Variants in GTF2H4 observed in about 807,000 individuals in gnomAD.
The protein encoded by GTF2H4 is general transcription factor IIH subunit 4, also known as BTF2 p52.
In GTF2H4, 49 loss-of-function variants were observed where a neutral mutation model predicts 62.2. That is an observed-to-expected ratio of 0.79 (90% confidence interval 0.63 to 1.00). The LOEUF (loss-of-function observed/expected upper bound fraction) is 1.00, where lower values mean the gene tolerates loss of function less well. Ranked by LOEUF, GTF2H4 falls within the 50% of genes least tolerant of loss-of-function variation. The probability of loss-of-function intolerance (pLI) is 0.00; values close to 1 mark genes in which losing one functional copy is unlikely to be tolerated. For synonymous variants in GTF2H4, 189 were observed against 233.8 expected (o/e 0.81, Z 1.75); for missense variants, 479 against 587.8 (o/e 0.81, Z 1.91).
chr6:30,909,329 TAAA>T lies in GTF2H4; in HGVS notation c.138-105_138-103del, dbSNP rs1407794730. 3 of 1,216,884 alleles carry T rather than the reference TAAA, an allele frequency of 2.5e-6. No individual in the cohort carries two copies. The highest frequency in any genetic ancestry group is 3.5e-6 in the Non-Finnish European group (3 of 853,296). 75.4% of individuals were successfully genotyped at this position (1,216,884 alleles called of 1,614,324 possible). Reference sequence around the variant, plus strand: ...GTGGAGGCCAAAACAGCAGGACTGGTAAAGTTGTGCTGGAGTGAGATGAGATGT... The same window carrying T: ...GTGGAGGCCAAAACAGCAGGACTGGTGTTGTGCTGGAGTGAGATGAGATGT... On this transcript the variant is annotated intron_variant, in intron 2 of 13. Coordinates refer to ENST00000259895, the MANE Select transcript of GTF2H4 (RefSeq NM_001517.5). The surrounding 1 kb of genome is among the most constrained non-coding windows in gnomAD (Gnocchi z 4.3).
At chr6:30,908,943 G>A in intron 1 of GTF2H4, 91 bp from the exon 2 acceptor site, 1 of 1,419,936 alleles carries the variant, frequency 7.0e-7, no homozygotes, top group South Asian at 1.2e-5. Context: ...GGGTTATTGT[G>A]GGGACTGATG....
rs930274551 is a variant in GTF2H4 at position 30,910,272 on chromosome 6, A to G, written c.374+209A>G. ...TCATGGCCCCTGAGGATAAGGGTGG[A>G]AAGATGGCAGAGGGCAGCAAGGAAC... On this transcript the variant is annotated intron_variant, in intron 4 of 13. Coordinates refer to ENST00000259895, the MANE Select transcript of GTF2H4 (RefSeq NM_001517.5). The surrounding 1 kb of genome is among the most constrained non-coding windows in gnomAD (Gnocchi z 4.7). Among the ~76,000 whole-genome samples, 7 of 152,092 alleles carry G rather than the reference A, an allele frequency of 4.6e-5. No individual in the cohort carries two copies. Among genetic ancestry groups the G allele is most frequent in the Non-Finnish European group, 1.0e-4 (7 of 68,018 alleles).
Position 30,914,103 on chromosome 6 carries a change from AG to A in GTF2H4, c.*121del, listed in dbSNP as rs3218828. The A allele has an allele frequency of 0.032, 33,509 of 1,044,370 alleles. 1,192 individuals carry two copies. The highest frequency in any genetic ancestry group is 0.13 in the African/African-American group (8,034 of 60,422). 64.7% of individuals were successfully genotyped at this position (1,044,370 alleles called of 1,614,324 possible). On this transcript the variant is annotated 3_prime_UTR_variant, in exon 14 of 14. Coordinates refer to ENST00000259895, the MANE Select transcript of GTF2H4 (RefSeq NM_001517.5). ...CTTGTTTAATAAAGTTATGATAGCT[AG>A]CAGTGCGGTCCCGGGCGCCTCCCCG...
Position 30,912,093 on chromosome 6 carries a change from A to C in GTF2H4, c.905A>C (p.His302Pro). The stretch of plus-strand genomic sequence containing the variant: ...GTCTCTGGAGCTGGGGGCACTGTGC[A>C]TCAGCCAGGTTTCATTGTCGTGGAA... ...SGVSGAGGTV[H>P]QPGFIVVETN... The change falls in exon 10 of 14, where the codon CAT becomes CCT. Residue 302 changes from histidine (H) to proline (P), a missense_variant. His to Pro is a moderately conservative substitution (Grantham distance 77). Transcript: ENST00000259895. This position sits in a 1 kb window ranked among gnomAD's most constrained non-coding sequence, Gnocchi z 4.8. 6.2e-7 allele frequency: 1 copy of C among 1,612,974 alleles called. No homozygotes were observed. Among genetic ancestry groups the C allele is most frequent in the Non-Finnish European group, 8.5e-7 (1 of 1,180,008 alleles).
rs1266122034 is a variant in GTF2H4 at position 30,913,209 on chromosome 6, G to A, written c.1137+52G>A. On this transcript the variant is annotated intron_variant, in intron 12 of 13. Coordinates refer to ENST00000259895, the MANE Select transcript of GTF2H4 (RefSeq NM_001517.5). The surrounding 1 kb of genome is among the most constrained non-coding windows in gnomAD (Gnocchi z 4.2). ...GGCTGGCAGCTGGTGATGACATGAT[G>A]GAAAAGAAAAAGGGGCATCCAAATC... is the stretch of plus-strand genomic sequence containing the variant. 2.5e-6 allele frequency: 4 copies of A among 1,612,404 alleles called. No individual in the cohort carries two copies. The highest frequency in any genetic ancestry group is 2.7e-5 in the African/African-American group (2 of 74,822).
Position 30,912,068 on chromosome 6 carries a change from G to A in GTF2H4, c.880G>A (p.Val294Ile), listed in dbSNP as rs748096456. 15 of 1,612,878 alleles carry A rather than the reference G, an allele frequency of 9.3e-6. No homozygotes were observed. The highest frequency in any genetic ancestry group is 1.3e-5 in the Non-Finnish European group (15 of 1,180,000). Residue 294 changes from valine (V) to isoleucine (I), a missense_variant, in exon 10 of 14, where the codon GTC becomes ATC. Coordinates refer to ENST00000259895, the MANE Select transcript of GTF2H4 (RefSeq NM_001517.5). The surrounding 1 kb of genome is among the most constrained non-coding windows in gnomAD (Gnocchi z 4.8). ...TRLAINLSSGVSGAGGTVHQP... is the reference protein window; with the variant it reads ...TRLAINLSSGISGAGGTVHQP... ...CCTGGCCATCAATCTCTCATCAGGT[G>A]TCTCTGGAGCTGGGGGCACTGTGCA... is the stretch of plus-strand genomic sequence containing the variant.
In GTF2H4 at chr6:30,911,014, C is replaced by A; in HGVS notation, c.560+73C>A. The A allele has an allele frequency of 1.5e-6, 2 of 1,378,058 alleles. No homozygotes were observed. Among genetic ancestry groups the A allele is most frequent in the Non-Finnish European group, 2.0e-6 (2 of 985,638 alleles). The allele number at this position is 1,378,058 out of a possible 1,614,324, so 85.4% of individuals were successfully genotyped here. The stretch of plus-strand genomic sequence containing the variant: ...GGTCCCTAAGAAATGGTATCTGGGG[C>A]TAGTCAAGATCAGAGGACATTAGCT... On this transcript the variant is annotated intron_variant, in intron 6 of 13. Coordinates refer to ENST00000259895, the MANE Select transcript of GTF2H4 (RefSeq NM_001517.5). The surrounding 1 kb of genome is among the most constrained non-coding windows in gnomAD (Gnocchi z 4.3).
In GTF2H4 at chr6:30,914,049, G is replaced by A; in HGVS notation, c.*66G>A. On this transcript the variant is annotated 3_prime_UTR_variant, in exon 14 of 14. Coordinates refer to ENST00000259895, the MANE Select transcript of GTF2H4 (RefSeq NM_001517.5). ...GGCGGGGCGGGGCATCAGAACTCAGGTGTTTTTTATTTACGCGTCAGGGCT... is the reference window on the plus strand; with the variant it reads ...GGCGGGGCGGGGCATCAGAACTCAGATGTTTTTTATTTACGCGTCAGGGCT... The A allele has an allele frequency of 7.0e-7, 1 of 1,426,016 alleles. No individual in the cohort carries two copies. Among genetic ancestry groups the A allele is most frequent in the African/African-American group, 1.5e-5 (1 of 68,750 alleles). The allele number at this position is 1,426,016 out of a possible 1,614,324, so 88.3% of individuals were successfully genotyped here.
chr6:30,912,195 A>G lies in GTF2H4; in HGVS notation c.958+49A>G, dbSNP rs756349187. On this transcript the variant is annotated intron_variant, in intron 10 of 13. Transcript: ENST00000259895. This position sits in a 1 kb window ranked among gnomAD's most constrained non-coding sequence, Gnocchi z 4.8. ...GGAAGAGGAGGTTGGGGGTGAGGGAATGCCAGTTTATGTTCGTGTTTACCT... is the reference window on the plus strand; with the variant it reads ...GGAAGAGGAGGTTGGGGGTGAGGGAGTGCCAGTTTATGTTCGTGTTTACCT... 1.2e-5 allele frequency: 20 copies of G among 1,608,188 alleles called. No homozygotes were observed. The South Asian group carries it at 2.0e-4, about 16-fold the overall frequency.
In GTF2H4 at chr6:30,909,617, G is replaced by A. The variant is rs552451994; in HGVS notation, c.242+78G>A. On this transcript the variant is annotated intron_variant, in intron 3 of 13. Coordinates refer to ENST00000259895, the MANE Select transcript of GTF2H4 (RefSeq NM_001517.5). The surrounding 1 kb of genome is among the most constrained non-coding windows in gnomAD (Gnocchi z 4.3). ...GTTCCTTGGAGCACTTCCAGGAAGTGTTAATAGATATATCACAAAACTTAA... is the reference window on the plus strand; with the variant it reads ...GTTCCTTGGAGCACTTCCAGGAAGTATTAATAGATATATCACAAAACTTAA... 3.5e-6 allele frequency: 3 copies of A among 860,802 alleles called. No homozygotes were observed. The highest frequency in any genetic ancestry group is 2.4e-5 in the East Asian group (1 of 40,904). 53.3% of individuals were successfully genotyped at this position (860,802 alleles called of 1,614,324 possible).
chr6:30,909,265 G>A lies in GTF2H4; in HGVS notation c.137+92G>A. The A allele has an allele frequency of 3.4e-6, 5 of 1,460,698 alleles. No homozygotes were observed. Among genetic ancestry groups the A allele is most frequent in the Non-Finnish European group, 3.7e-6 (4 of 1,084,098 alleles). The allele number at this position is 1,460,698 out of a possible 1,614,324, so 90.5% of individuals were successfully genotyped here. On this transcript the variant is annotated intron_variant, in intron 2 of 13. Coordinates refer to ENST00000259895, the MANE Select transcript of GTF2H4 (RefSeq NM_001517.5). This position sits in a 1 kb window ranked among gnomAD's most constrained non-coding sequence, Gnocchi z 4.3. ...AAAAGTGTAGCAGCCTGGAGTCGGG[G>A]TGGGGACTGGGGGCAAGGGTTGGAA...
rs915760485 is a variant in GTF2H4 at position 30,913,088 on chromosome 6, C to T, written c.1090-22C>T. The T allele has an allele frequency of 1.9e-6, 3 of 1,613,354 alleles. No homozygotes were observed. Among genetic ancestry groups the T allele is most frequent in the African/African-American group, 1.3e-5 (1 of 74,890 alleles). On this transcript the variant is annotated intron_variant, in intron 11 of 13. Transcript: ENST00000259895. This position sits in a 1 kb window ranked among gnomAD's most constrained non-coding sequence, Gnocchi z 4.2. ...CTGCCTTCTTGCTGGAGCCCTCATG[C>T]CATTCTTGTCTGTTTTCCTAGATAA...
chr6:30,908,578 C>A (rs1793631077), intron 1 of GTF2H4, among the ~76,000 whole-genome samples, 175 bp downstream of exon 1: 1 of 151,964 alleles, frequency 6.6e-6, no homozygotes, highest in Non-Finnish European at 1.5e-5. Flanking sequence ...ATTTGGGAAG[C>A]ATGGAGGGGA....
chr6:30,909,202 G>A lies in GTF2H4; in HGVS notation c.137+29G>A. On this transcript the variant is annotated intron_variant, in intron 2 of 13. Coordinates refer to ENST00000259895, the MANE Select transcript of GTF2H4 (RefSeq NM_001517.5). This position sits in a 1 kb window ranked among gnomAD's most constrained non-coding sequence, Gnocchi z 4.3. ...AGAAGCCCCTTCATGGCAGGGAAATGTAATGGGGTCTGCGGAGTGGAATAA... is the reference window on the plus strand; with the variant it reads ...AGAAGCCCCTTCATGGCAGGGAAATATAATGGGGTCTGCGGAGTGGAATAA... The A allele has an allele frequency of 6.2e-7, 1 of 1,605,230 alleles. No individual in the cohort carries two copies. Among genetic ancestry groups the A allele is most frequent in the Non-Finnish European group, 8.5e-7 (1 of 1,174,872 alleles).
rs576231335 is a variant in GTF2H4, at chr6:30,910,193, C to A, written c.374+130C>A. The A allele has an allele frequency of 7.5e-6, 7 of 939,192 alleles. No individual in the cohort carries two copies. In the East Asian group the frequency reaches 1.7e-4, roughly 23 times the overall value. The allele number at this position is 939,192 out of a possible 1,614,324, so 58.2% of individuals were successfully genotyped here. ...CTTGTGGTCTCCACGTTGGGAACTC[C>A]TTTAGGAGTAAGTTGGACCAGATGT... On this transcript the variant is annotated intron_variant, in intron 4 of 13. Coordinates refer to ENST00000259895, the MANE Select transcript of GTF2H4 (RefSeq NM_001517.5). This position sits in a 1 kb window ranked among gnomAD's most constrained non-coding sequence, Gnocchi z 4.7.
rs1158286790 is a variant in GTF2H4, at chr6:30,910,861, G to T, written c.480G>T (p.Leu160Phe). Residue 160 changes from leucine to phenylalanine, a missense_variant, in exon 6 of 14, where the codon TTG becomes TTT. Coordinates refer to ENST00000259895, the MANE Select transcript of GTF2H4 (RefSeq NM_001517.5). This position sits in a 1 kb window ranked among gnomAD's most constrained non-coding sequence, Gnocchi z 4.7. ...KYAEERWEVV[L>F]HFMVGSPSAA... is the part of the protein sequence containing the mutation. ...TCTCTTCTGTTCTTCAGGTGGTCTTGCACTTCATGGTGGGCTCCCCCAGTG... is the reference window on the plus strand; with the variant it reads ...TCTCTTCTGTTCTTCAGGTGGTCTTTCACTTCATGGTGGGCTCCCCCAGTG... 1.2e-6 allele frequency: 2 copies of T among 1,612,188 alleles called. No homozygotes were observed. Among genetic ancestry groups the T allele is most frequent in the African/African-American group, 2.7e-5 (2 of 74,876 alleles).
rs530562017 is a variant in GTF2H4, at chr6:30,913,524, C to T, written c.1216+137C>T. The T allele has an allele frequency of 2.1e-6, 2 of 959,814 alleles. No homozygotes were observed. The highest frequency in any genetic ancestry group is 2.6e-5 in the East Asian group (1 of 38,318). 59.5% of individuals were successfully genotyped at this position (959,814 alleles called of 1,614,324 possible). The stretch of plus-strand genomic sequence containing the variant: ...AGTTTTTTGTTGTTTTGGGGTGAGT[C>T]GGTAGTAAACAAATCGTCCCAAATC... On this transcript the variant is annotated intron_variant, in intron 13 of 13. Transcript: ENST00000259895. The surrounding 1 kb of genome is among the most constrained non-coding windows in gnomAD (Gnocchi z 4.2).
chr6:30,912,243 C>A lies in GTF2H4; in HGVS notation c.959-85C>A, dbSNP rs1793795654. 1 of 1,600,162 alleles carries A rather than the reference C, an allele frequency of 6.2e-7. No individual in the cohort carries two copies. The highest frequency in any genetic ancestry group is 1.1e-5 in the South Asian group (1 of 89,642). ...CCTGGCAGTCTACAGAGCTCTCTGACATTTCTCATGACACTTGAAAGAAGG... is the reference window on the plus strand; with the variant it reads ...CCTGGCAGTCTACAGAGCTCTCTGAAATTTCTCATGACACTTGAAAGAAGG... On this transcript the variant is annotated intron_variant, in intron 10 of 13. Transcript: ENST00000259895. This position sits in a 1 kb window ranked among gnomAD's most constrained non-coding sequence, Gnocchi z 4.8.
chr6:30,912,090 T>C lies in GTF2H4; in HGVS notation c.902T>C (p.Val301Ala). ...GGTGTCTCTGGAGCTGGGGGCACTG[T>C]GCATCAGCCAGGTTTCATTGTCGTG... is the stretch of plus-strand genomic sequence containing the variant. ...SSGVSGAGGT[V>A]HQPGFIVVET... The change falls in exon 10 of 14, where the codon GTG becomes GCG. Residue 301 changes from valine (V) to alanine (A), a missense_variant. Physicochemically the swap from Val to Ala is moderately conservative, Grantham distance 64. Coordinates refer to ENST00000259895, the MANE Select transcript of GTF2H4 (RefSeq NM_001517.5). This position sits in a 1 kb window ranked among gnomAD's most constrained non-coding sequence, Gnocchi z 4.8. 6.2e-7 allele frequency: 1 copy of C among 1,612,968 alleles called. No homozygotes were observed. The highest frequency in any genetic ancestry group is 8.5e-7 in the Non-Finnish European group (1 of 1,179,996).
Sources: allele counts gnomAD v4.1 joint callset (sites outside exome capture counted in the v4.1 genomes callset), GRCh38; gene constraint gnomAD v4.1.1; non-coding constraint Gnocchi (gnomAD v3.1); transcripts MANE v1.5; gene names NCBI Gene and HGNC (gene_info 2026-07-23, HGNC 2026-07-21).